COX7B2: variants seen among roughly 807,000 people sequenced by gnomAD.
COX7B2 encodes cytochrome c oxidase subunit 7B2, mitochondrial.
For missense variants in COX7B2, 109 were observed against 95.9 expected (o/e 1.14, Z -0.57); for synonymous variants, 37 against 32.1 (o/e 1.15, Z -0.51).
chr4:46,818,782 T>C (rs1372559688), intron 2 of COX7B2, among the ~76,000 whole-genome samples: 1 of 152,228 alleles, frequency 6.6e-6, no homozygotes, highest in Non-Finnish European at 1.5e-5. Flanking sequence ...TAATCAATCA[T>C]CTCTATAAAA....
At chr4:46,875,567 A>G (rs572171023) in intron 1 of COX7B2, among the ~76,000 whole-genome samples, 2 of 152,070 alleles carry the variant, frequency 1.3e-5, no homozygotes, top group Non-Finnish European at 2.9e-5. Context: ...TCATGTCACA[A>G]TCTTGTGCAA....
rs561258259 is a variant in COX7B2 at position 46,811,310 on chromosome 4, G to A, written c.-50+33650C>T. ...CAAATATTTATTCACTTAATGGTGTGCCATCAGGCCTATAGGCTTTTTTTT... is the reference window on the plus strand; with the variant it reads ...CAAATATTTATTCACTTAATGGTGTACCATCAGGCCTATAGGCTTTTTTTT... On this transcript the variant is annotated intron_variant, in intron 2 of 2. Coordinates refer to ENST00000355591, the MANE Select transcript of COX7B2 (RefSeq NM_130902.3). 2.3e-4 allele frequency among the ~76,000 whole-genome samples: 34 copies of A among 150,854 alleles called. 1 individual carries two copies. In the South Asian group the frequency reaches 6.9e-3, roughly 31 times the overall value.
intron 1 of COX7B2, among the ~76,000 whole-genome samples, chr4:46,855,203 T>C (rs1013918473): frequency 6.6e-6 from 1 of 152,106 alleles, no homozygotes; most frequent in Non-Finnish European, 1.5e-5. Flanking sequence ...GGCACACACC[T>C]GTAATCCCAG....
chr4:46,780,197 T>C (rs1717370950), intron 2 of COX7B2, among the ~76,000 whole-genome samples: 1 of 152,126 alleles, frequency 6.6e-6, no homozygotes, highest in Non-Finnish European at 1.5e-5. Flanking sequence ...CAGCTATGAC[T>C]AAAGGTAAAG....
At chr4:46,752,291 T>C (rs1423512301) in intron 2 of COX7B2, among the ~76,000 whole-genome samples, 1 of 151,514 alleles carries the variant, frequency 6.6e-6, no homozygotes, top group Non-Finnish European at 1.5e-5. Flanking sequence ...TTTGCTGAAG[T>C]TGCTTATCAG....
chr4:46,753,202 T>C (rs1438744267), intron 2 of COX7B2, among the ~76,000 whole-genome samples: 1 of 152,090 alleles, frequency 6.6e-6, no homozygotes, highest in Non-Finnish European at 1.5e-5. Context: ...AGTTTATTTG[T>C]GTAGAGGTGT....
intron 1 of COX7B2, among the ~76,000 whole-genome samples, chr4:46,875,133 T>G (rs1718242751): frequency 6.6e-6 from 1 of 152,230 alleles, no homozygotes; most frequent in Admixed American, 6.5e-5. Context: ...AGTATGTGTT[T>G]CTAACCTTTC....
intron 2 of COX7B2, among the ~76,000 whole-genome samples, chr4:46,792,709 C>T (rs1349192819): frequency 6.6e-6 from 1 of 152,182 alleles, no homozygotes; most frequent in Non-Finnish European, 1.5e-5. Flanking sequence ...CCTTATAACA[C>T]ATCCATCCTA....
chr4:46,877,671 G>GAT (rs1246418264), intron 1 of COX7B2, among the ~76,000 whole-genome samples: 3 of 152,092 alleles, frequency 2.0e-5, no homozygotes, highest in East Asian at 3.8e-4. Flanking sequence ...AAACCACTGT[G>GAT]ATATACCACC....
At chr4:46,840,204 G>A (rs931388202) in intron 2 of COX7B2, among the ~76,000 whole-genome samples, 4 of 151,972 alleles carry the variant, frequency 2.6e-5, no homozygotes, top group African/African-American at 9.7e-5. Context: ...AAGGAGGAAG[G>A]GGCCTGAAGG....
intron 2 of COX7B2, among the ~76,000 whole-genome samples, chr4:46,791,174 ATTT>A (rs34287708): frequency 7.5e-6 from 1 of 132,490 alleles, no homozygotes; most frequent in Non-Finnish European, 1.6e-5. Context: ...AATTTTTTGT[ATTT>A]TTTTTTTTTT....
chr4:46,868,348 G>T (rs12513207), intron 1 of COX7B2, among the ~76,000 whole-genome samples: 1 of 151,880 alleles, frequency 6.6e-6, no homozygotes, highest in Non-Finnish European at 1.5e-5. Flanking sequence ...ACTTTTGAAT[G>T]TTTTTTCTGC....
At chr4:46,842,979 T>A (rs1045043368) in intron 2 of COX7B2, among the ~76,000 whole-genome samples, 3 of 152,088 alleles carry the variant, frequency 2.0e-5, no homozygotes, top group African/African-American at 7.2e-5. Context: ...ATCGCCACAC[T>A]GATTTCCACA....
At chr4:46,828,203 G>T (rs918574860) in intron 2 of COX7B2, among the ~76,000 whole-genome samples, 8 of 152,108 alleles carry the variant, frequency 5.3e-5, no homozygotes, top group African/African-American at 1.9e-4. Context: ...TAAAGACAGG[G>T]AGGAATATTT....
intron 2 of COX7B2, among the ~76,000 whole-genome samples, chr4:46,763,653 G>C (rs987906938): frequency 6.6e-6 from 1 of 152,006 alleles, no homozygotes; most frequent in Non-Finnish European, 1.5e-5. Context: ...TACAAATGAA[G>C]AGATCCAGCA....
At chr4:46,867,779 A>G (rs1173104127) in intron 1 of COX7B2, among the ~76,000 whole-genome samples, 2 of 151,852 alleles carry the variant, frequency 1.3e-5, no homozygotes, top group East Asian at 1.9e-4. Flanking sequence ...TGGTATGCTA[A>G]TTTTTTTTGG....
chr4:46,815,219 G>A (rs1293522891), intron 2 of COX7B2, among the ~76,000 whole-genome samples: 2 of 151,666 alleles, frequency 1.3e-5, no homozygotes, highest in African/African-American at 4.8e-5. Flanking sequence ...TGAGAAGCAT[G>A]AAAGTACTCA....
At chr4:46,856,440 T>C (rs1481416042) in intron 1 of COX7B2, among the ~76,000 whole-genome samples, 1 of 152,136 alleles carries the variant, frequency 6.6e-6, no homozygotes, top group Non-Finnish European at 1.5e-5. Flanking sequence ...GCATTAACTT[T>C]CACTATTCAG....
chr4:46,760,948 A>G (rs1716111886), intron 2 of COX7B2, among the ~76,000 whole-genome samples: 1 of 152,194 alleles, frequency 6.6e-6, no homozygotes, highest in African/African-American at 2.4e-5. Context: ...GTGATTGTAT[A>G]TGGCAACAAA....
Sources: gnomAD v4.1 joint callset for allele counts (sites outside exome capture counted in the v4.1 genomes callset) on GRCh38, gnomAD v4.1.1 for gene constraint, MANE v1.5 for transcripts, NCBI Gene and HGNC (gene_info 2026-07-23, HGNC 2026-07-21) for gene names.